The following EPAS1 variants were observed in gnomAD, a reference collection of about 807,000 sequenced individuals.
The protein encoded by EPAS1 is endothelial PAS domain-containing protein 1.
A neutral mutation model predicts 87.9 loss-of-function variants in EPAS1; 23 were observed. The ratio of observed to expected loss-of-function variants is 0.26; its 90% confidence interval spans 0.19 to 0.37. The LOEUF is 0.37. Among genes scored for constraint, EPAS1 ranks in the 10% least tolerant of loss-of-function variants. EPAS1 has a pLI of 1.00. For missense variants in EPAS1, 1,138 were observed against 1,120.7 expected, an observed-to-expected ratio of 1.02 and a Z score of -0.22; for synonymous variants, 508 against 444.3, an observed-to-expected ratio of 1.14 and a Z score of -1.80.
chr2:46,356,891 A>G, intron 4 of EPAS1, 83 bp downstream of exon 4: 1 of 991,710 alleles, frequency 1.0e-6, no homozygotes. Context: ...TAAGGGAGAT[A>G]GCTCATGGCC....
In EPAS1 at chr2:46,371,713, C is replaced by T. The variant is rs2103655635; in HGVS notation, c.886+1780C>T. On this transcript the variant is annotated intron_variant, in intron 7 of 15. Transcript: ENST00000263734. This position sits in a 1 kb window ranked among gnomAD's most constrained non-coding sequence, Gnocchi z 4.3. ...TGACAGAATCATCCAGGCACTGGGACTTAGCGGCCCAGGCTCTGGCCCAGC... is the reference window on the plus strand; with the variant it reads ...TGACAGAATCATCCAGGCACTGGGATTTAGCGGCCCAGGCTCTGGCCCAGC... Among the ~76,000 whole-genome samples the T allele has an allele frequency of 6.6e-6, 1 of 152,292 alleles. No homozygotes were observed. The highest frequency in any genetic ancestry group is 2.1e-4 in the South Asian group (1 of 4,830).
At chr2:46,302,958 A>C (rs766193113) in intron 1 of EPAS1, among the ~76,000 whole-genome samples, 1 of 152,148 alleles carries the variant, frequency 6.6e-6, no homozygotes, top group African/African-American at 2.4e-5. Context: ...CTGTAGTCCC[A>C]GCTACTCAAG....
chr2:46,309,423 G>C (rs1480210473), intron 1 of EPAS1, among the ~76,000 whole-genome samples: 2 of 152,222 alleles, frequency 1.3e-5, no homozygotes, highest in Non-Finnish European at 2.9e-5. Context: ...CATCTTGTTA[G>C]GAAGTCACAA....
chr2:46,349,617 GT>G (rs925177394), intron 2 of EPAS1, among the ~76,000 whole-genome samples: 5 of 152,212 alleles, frequency 3.3e-5, no homozygotes, highest in African/African-American at 1.2e-4. Flanking sequence ...AGGATAAAAA[GT>G]TTCTACTTTT....
intron 1 of EPAS1, among the ~76,000 whole-genome samples, chr2:46,303,091 G>T (rs555871571): frequency 6.6e-6 from 1 of 152,180 alleles, no homozygotes; most frequent in Non-Finnish European, 1.5e-5. Flanking sequence ...AGAAAAGAAA[G>T]AAAATATAAA....
chr2:46,307,093 T>C (rs1418173233), intron 1 of EPAS1, among the ~76,000 whole-genome samples: 1 of 152,224 alleles, frequency 6.6e-6, no homozygotes, highest in Non-Finnish European at 1.5e-5. Context: ...GCTTTCGCAG[T>C]AAGTTTCTGT....
intron 1 of EPAS1, among the ~76,000 whole-genome samples, chr2:46,341,322 T>G (rs1302734307): frequency 6.6e-6 from 1 of 152,142 alleles, no homozygotes; most frequent in Non-Finnish European, 1.5e-5. Context: ...CTGGATAATA[T>G]TGTTTGGGGT....
chr2:46,311,038 A>G (rs1683200778), intron 1 of EPAS1, among the ~76,000 whole-genome samples: 1 of 152,078 alleles, frequency 6.6e-6, no homozygotes, highest in Admixed American at 6.6e-5. Context: ...CACGATGCCC[A>G]GCTAATTTTT....
intron 12 of EPAS1, 149 bp from the exon 13 acceptor site, chr2:46,381,447 T>TGC (rs1314704179): frequency 2.3e-6 from 3 of 1,277,782 alleles, no homozygotes; most frequent in Non-Finnish European, 3.4e-6. Context: ...GGCCTGCAGG[T>TGC]GCACAGCCTG....
At chr2:46,384,365 G>A (rs1684962802) in intron 15 of EPAS1, 144 bp from the exon 16 acceptor site, 2 of 1,170,440 alleles carry the variant, frequency 1.7e-6, no homozygotes, top group Non-Finnish European at 2.5e-6. Context: ...CCCCGGGCAT[G>A]CAGCAGGCCG....
chr2:46,335,482 C>T (rs1683771045), intron 1 of EPAS1, among the ~76,000 whole-genome samples: 1 of 150,060 alleles, frequency 6.7e-6, no homozygotes, highest in Non-Finnish European at 1.5e-5. Context: ...ATACCCAGTG[C>T]TGGCCTCTGA....
chr2:46,380,190 A>AC lies in EPAS1; in HGVS notation c.1555-32dup. ...GAATAGTGTTTGTGAGGTCGTACCAACCCCCTTGCCTCTTTGCCGGTGCTG... is the reference window on the plus strand; with the variant it reads ...GAATAGTGTTTGTGAGGTCGTACCAACCCCCCTTGCCTCTTTGCCGGTGCTG... On this transcript the variant is annotated intron_variant, in intron 11 of 15. Coordinates refer to ENST00000263734, the MANE Select transcript of EPAS1 (RefSeq NM_001430.5). This position sits in a 1 kb window ranked among gnomAD's most constrained non-coding sequence, Gnocchi z 4.4. The AC allele has an allele frequency of 1.2e-6, 2 of 1,602,712 alleles. No individual in the cohort carries two copies. Among genetic ancestry groups the AC allele is most frequent in the Non-Finnish European group, 1.7e-6 (2 of 1,179,852 alleles).
intron 2 of EPAS1, 82 bp from the exon 3 acceptor site, chr2:46,356,069 C>A: frequency 2.1e-6 from 3 of 1,461,800 alleles, no homozygotes; most frequent in Non-Finnish European, 2.9e-6. Flanking sequence ...TTGCACCATC[C>A]CTGGCAAATG....
intron 8 of EPAS1, 95 bp from the exon 9 acceptor site, chr2:46,376,444 C>T (rs568785103): frequency 2.7e-5 from 33 of 1,236,214 alleles, no homozygotes; most frequent in African/African-American, 6.0e-5. Context: ...CATTTTTTGT[C>T]GGAGAGCTTA....
At chr2:46,313,654 G>C (rs1458935806) in intron 1 of EPAS1, among the ~76,000 whole-genome samples, 3 of 152,106 alleles carry the variant, frequency 2.0e-5, no homozygotes, top group African/African-American at 7.2e-5. Context: ...GTTTCACCAT[G>C]TTGGCCAGGC....
At chr2:46,313,740 G>A (rs895134363) in intron 1 of EPAS1, among the ~76,000 whole-genome samples, 3 of 152,070 alleles carry the variant, frequency 2.0e-5, no homozygotes, top group African/African-American at 7.2e-5. Context: ...CATGAGCCAC[G>A]GTGACCAGCC....
chr2:46,365,311 A>C (rs1684478272), intron 6 of EPAS1, among the ~76,000 whole-genome samples: 1 of 152,256 alleles, frequency 6.6e-6, no homozygotes, highest in South Asian at 2.1e-4. Context: ...TTACAGGTAA[A>C]GAACTTTAGG....
chr2:46,331,321 C>T (rs540650512), intron 1 of EPAS1, among the ~76,000 whole-genome samples: 24 of 152,360 alleles, frequency 1.6e-4, no homozygotes, highest in Non-Finnish European at 2.4e-4. Flanking sequence ...GTAGTAGACA[C>T]TCAGTAACTG....
intron 1 of EPAS1, among the ~76,000 whole-genome samples, chr2:46,334,338 G>T (rs1172657142): frequency 2.0e-5 from 3 of 152,174 alleles, no homozygotes; most frequent in African/African-American, 7.2e-5. Flanking sequence ...ACTCAACAAG[G>T]TCTGTTTAAT....
Sources: allele counts gnomAD v4.1 joint callset (sites outside exome capture counted in the v4.1 genomes callset), GRCh38; gene constraint gnomAD v4.1.1; non-coding constraint Gnocchi (gnomAD v3.1); transcripts MANE v1.5; gene names NCBI Gene and HGNC (gene_info 2026-07-23, HGNC 2026-07-21).